The following CRYBG1 variants were observed in gnomAD, a reference collection of about 807,000 sequenced individuals.
The protein encoded by CRYBG1 is beta/gamma crystallin domain-containing protein 1.
Under a neutral mutation model 189.2 loss-of-function variants are expected in CRYBG1, and 139 were observed. The ratio of observed to expected loss-of-function variants is 0.73; its 90% CI spans 0.64 to 0.85. The LOEUF is 0.85. Ranked by LOEUF, CRYBG1 falls within the 40% of genes least tolerant of loss-of-function variation. The pLI, the probability that CRYBG1 is intolerant of heterozygous loss-of-function variation, is 0.00. For synonymous variants in CRYBG1, 1,023 were observed against 1,017.1 expected, an observed-to-expected ratio of 1.01 and a Z score of -0.11; for missense variants, 2,611 against 2,675.8, an observed-to-expected ratio of 0.98 and a Z score of 0.53.
In CRYBG1 at chr6:106,465,797, T is replaced by C. The variant is rs551241344; in HGVS notation, c.312+13965T>C. Among the ~76,000 whole-genome samples the C allele has an allele frequency of 5.9e-5, 9 of 152,324 alleles. No homozygotes were observed. In the South Asian group the frequency reaches 1.9e-3, roughly 32 times the overall value. Reference sequence around the variant, plus strand: ...ACCCTGCCCTCTCAAATACAGGTCTTTTTTTGCTCTATTTTTACTTAGCCA... The same window carrying C: ...ACCCTGCCCTCTCAAATACAGGTCTCTTTTTGCTCTATTTTTACTTAGCCA... On this transcript the variant is annotated intron_variant, in intron 2 of 21. Transcript: ENST00000633556.
rs745354447 is a variant in CRYBG1 at position 106,555,797 on chromosome 6, C to T, written c.5615C>T (p.Thr1872Ile). 1.9e-6 allele frequency: 3 copies of T among 1,614,134 alleles called. No homozygotes were observed. The highest frequency in any genetic ancestry group is 2.5e-6 in the Non-Finnish European group (3 of 1,180,016). The change falls in exon 17 of 22, where the codon ACT becomes ATT. Residue 1872 changes from threonine (T) to isoleucine (I), a missense_variant. Transcript: ENST00000633556. ...GTTGTATATGATGGAGAAAATTTCA[C>T]TGGTAATCAATACGTGTTGGAAGAA... ...SWVVYDGENF[T>I]GNQYVLEEGH...
Position 106,512,713 on chromosome 6 carries a change from C to A in CRYBG1, c.1596C>A (p.Gly532=), listed in dbSNP as rs1193496451. ...LEAVPAPPAS[G]PRAPAKESPP... ...CCGTGCCCGCCCCGCCCGCCAGCGG[C>A]CCCCGGGCTCCCGCCAAGGAGTCCC... Residue 532 remains glycine (G), a synonymous_variant, in exon 3 of 22, where the codon GGC becomes GGA. Coordinates refer to ENST00000633556, the MANE Select transcript of CRYBG1 (RefSeq NM_001371242.2). The A allele has an allele frequency of 2.6e-6, 4 of 1,550,288 alleles. No homozygotes were observed. Among genetic ancestry groups the A allele is most frequent in the African/African-American group, 1.4e-5 (1 of 73,320 alleles).
chr6:106,560,061 T>C (rs1196416053), intron 18 of CRYBG1, among the ~76,000 whole-genome samples: 5 of 152,188 alleles, frequency 3.3e-5, no homozygotes, highest in East Asian at 1.9e-4. Context: ...GCCACTGCCC[T>C]TCAGCCTGGG....
At chr6:106,363,611 A>G (rs968668314) in intron 1 of CRYBG1, among the ~76,000 whole-genome samples, 3 of 152,268 alleles carry the variant, frequency 2.0e-5, no homozygotes, top group Admixed American at 6.5e-5. Context: ...TGGAATGTGC[A>G]GCACTCACTG....
At chr6:106,395,971 C>T (rs957805137) in intron 1 of CRYBG1, among the ~76,000 whole-genome samples, 4 of 152,040 alleles carry the variant, frequency 2.6e-5, no homozygotes, top group African/African-American at 7.2e-5. Context: ...GGAGATAACC[C>T]ATCCCTGGAT....
intron 1 of CRYBG1, among the ~76,000 whole-genome samples, chr6:106,391,970 T>TGTGTGCGC (rs1257494111): frequency 2.2e-4 from 17 of 78,326 alleles, no homozygotes; most frequent in Non-Finnish European, 2.6e-4. Flanking sequence ...TGTGTGTGTG[T>TGTGTGCGC]GCGTGCGCGT....
chr6:106,521,064 CCCA>C lies in CRYBG1; in HGVS notation c.3858_3860del (p.Thr1288del). ...CCTATCTCAGTCTTCAGTGTCACAG[CCCA>C]CGACTGAGGGTGCCCCGCCCTGTGG... On this transcript the variant is annotated inframe_deletion, in exon 4 of 22. Transcript: ENST00000633556. 1 of 1,614,168 alleles carries C rather than the reference CCCA, an allele frequency of 6.2e-7. No individual in the cohort carries two copies. The highest frequency in any genetic ancestry group is 8.5e-7 in the Non-Finnish European group (1 of 1,180,028).
intron 2 of CRYBG1, among the ~76,000 whole-genome samples, chr6:106,465,656 G>A (rs62420843): frequency 0.14 from 21,777 of 152,178 alleles, 2,036 homozygotes; most frequent in Middle Eastern, 0.3. Context: ...TATGTATAAT[G>A]TTTTTCCACC....
intron 2 of CRYBG1, among the ~76,000 whole-genome samples, chr6:106,494,958 T>C (rs186455496): frequency 6.6e-6 from 1 of 152,310 alleles, no homozygotes; most frequent in East Asian, 1.9e-4. Context: ...GTACCATATA[T>C]CCTTCTTTCT....
chr6:106,463,670 G>A (rs1434491867), intron 2 of CRYBG1, among the ~76,000 whole-genome samples: 2 of 152,190 alleles, frequency 1.3e-5, no homozygotes, highest in Non-Finnish European at 2.9e-5. Context: ...GCAGTTTGTT[G>A]AGCATATCAG....
At chr6:106,375,131 G>A (rs1770127334) in intron 1 of CRYBG1, among the ~76,000 whole-genome samples, 1 of 151,322 alleles carries the variant, frequency 6.6e-6, no homozygotes, top group Admixed American at 6.6e-5. Context: ...GCCTATAATC[G>A]CAACACCTTG....
At chr6:106,544,963 A>T (rs1290058596) in intron 13 of CRYBG1, 30 bp downstream of exon 13, 1 of 1,582,246 alleles carries the variant, frequency 6.3e-7, no homozygotes, top group Non-Finnish European at 8.6e-7. Flanking sequence ...TGGAATTTTA[A>T]ACATGCGTTT....
intron 1 of CRYBG1, among the ~76,000 whole-genome samples, chr6:106,405,938 C>T (rs933477427): frequency 1.3e-5 from 2 of 152,174 alleles, no homozygotes; most frequent in East Asian, 3.8e-4. Context: ...TGCAAAAAGG[C>T]TGAAAATTCC....
intron 1 of CRYBG1, among the ~76,000 whole-genome samples, chr6:106,376,029 C>T (rs1432369377): frequency 1.3e-5 from 2 of 152,174 alleles, no homozygotes; most frequent in Non-Finnish European, 2.9e-5. Context: ...TATCTTATTG[C>T]ATGTAACATT....
intron 2 of CRYBG1, among the ~76,000 whole-genome samples, chr6:106,506,925 C>T (rs1051373695): frequency 1.3e-5 from 2 of 152,124 alleles, no homozygotes; most frequent in African/African-American, 4.8e-5. Context: ...AAGAAAAATT[C>T]ATGATTCGGC....
At chr6:106,525,700 A>G (rs1243001028) in intron 6 of CRYBG1, among the ~76,000 whole-genome samples, 1 of 152,188 alleles carries the variant, frequency 6.6e-6, no homozygotes. Context: ...CTCTTGGTTG[A>G]TGACCTTTAA....
At chr6:106,538,222 C>A (rs563575706) in intron 8 of CRYBG1, among the ~76,000 whole-genome samples, 1 of 152,178 alleles carries the variant, frequency 6.6e-6, no homozygotes, top group Non-Finnish European at 1.5e-5. Context: ...GCATCCTCAC[C>A]TTCTCAGAAC....
intron 1 of CRYBG1, among the ~76,000 whole-genome samples, chr6:106,379,838 C>G (rs1433386874): frequency 6.6e-6 from 1 of 152,194 alleles, no homozygotes; most frequent in Non-Finnish European, 1.5e-5. Context: ...CCTTGGCCTC[C>G]CAACATGCTG....
rs539296946 is a variant in CRYBG1, at chr6:106,429,194, T to G, written c.174-22500T>G. 5.9e-5 allele frequency among the ~76,000 whole-genome samples: 9 copies of G among 152,368 alleles called. No individual in the cohort carries two copies. In the South Asian group the frequency reaches 1.9e-3, roughly 32 times the overall value. On this transcript the variant is annotated intron_variant, in intron 1 of 21. Transcript: ENST00000633556. ...GGAATATATCACCTATTAGCCTTGC[T>G]AATCAGGGCTATGCCCTCTCTGAAT... is the stretch of plus-strand genomic sequence containing the variant.
Sources: gnomAD v4.1 joint callset for allele counts (sites outside exome capture counted in the v4.1 genomes callset) on GRCh38, gnomAD v4.1.1 for gene constraint, MANE v1.5 for transcripts, NCBI Gene and HGNC (gene_info 2026-07-23, HGNC 2026-07-21) for gene names.